The following EPS15 variants were observed in gnomAD, a reference collection of about 807,000 sequenced individuals.
EPS15 encodes epidermal growth factor receptor pathway substrate 15, also known as epidermal growth factor receptor substrate 15.
In EPS15, 72 loss-of-function variants were observed where a neutral mutation model predicts 113.8. The observed-to-expected ratio is 0.63, with a 90% CI of 0.52 to 0.77. The LOEUF is 0.77. Ranked by LOEUF, EPS15 falls within the 30% of genes least tolerant of loss-of-function variation. EPS15 has a pLI of 0.00. For missense variants in EPS15, 1,048 were observed against 1,045.8 expected (o/e 1.00, Z -0.03); for synonymous variants, 344 against 363.4 (o/e 0.95, Z 0.61).
chr1:51,454,017 T>C (rs1439704129), intron 8 of EPS15, among the ~76,000 whole-genome samples: 1 of 125,898 alleles, frequency 7.9e-6, no homozygotes, highest in Non-Finnish European at 1.6e-5. Context: ...ACTACTGCAC[T>C]CCAGTCTGGG....
At position 51,385,954 on chromosome 1, in the gene EPS15, T is replaced by C. The variant is rs536805751; in HGVS notation, c.2119+8427A>G. ...ATATGAAAAAAGTTCTTGAGATGGA[T>C]GGTGGTGATGATTGCACAACAATGT... On this transcript the variant is annotated intron_variant, in intron 21 of 24. Transcript: ENST00000371733. Among the ~76,000 whole-genome samples the C allele has an allele frequency of 3.3e-5, 5 of 152,264 alleles. No individual in the cohort carries two copies. The South Asian group carries it at 1.0e-3, about 32-fold the overall frequency.
chr1:51,393,558 C>A (rs543039133), intron 21 of EPS15, among the ~76,000 whole-genome samples: 6 of 152,306 alleles, frequency 3.9e-5, no homozygotes, highest in African/African-American at 1.4e-4. Context: ...TAATTAGTCA[C>A]AATTAATACA....
chr1:51,516,409 T>C (rs927150391), intron 1 of EPS15, among the ~76,000 whole-genome samples: 1 of 152,204 alleles, frequency 6.6e-6, no homozygotes. Flanking sequence ...TGAGTCTCTT[T>C]TAAAGTTAAG....
chr1:51,358,351 T>A (rs1646290755), intron 24 of EPS15, among the ~76,000 whole-genome samples: 1 of 152,156 alleles, frequency 6.6e-6, no homozygotes, highest in South Asian at 2.1e-4. Flanking sequence ...TTTAGACCAG[T>A]CTAAATAAAA....
chr1:51,385,445 T>C (rs762180358), intron 21 of EPS15, among the ~76,000 whole-genome samples: 3 of 152,216 alleles, frequency 2.0e-5, no homozygotes, highest in Non-Finnish European at 4.4e-5. Flanking sequence ...GGAACCACTG[T>C]GAATTGTTGG....
chr1:51,363,811 T>C, intron 23 of EPS15, 55 bp downstream of exon 23: 1 of 1,531,440 alleles, frequency 6.5e-7, no homozygotes, highest in Non-Finnish European at 8.8e-7. Context: ...GCACAATACT[T>C]TTCAGAAAGA....
chr1:51,437,257 T>C (rs544245743), intron 12 of EPS15, among the ~76,000 whole-genome samples: 2 of 152,118 alleles, frequency 1.3e-5, no homozygotes, highest in Non-Finnish European at 2.9e-5. Context: ...AGTTTATATA[T>C]AGCTTTCAAT....
At chr1:51,428,706 A>T (rs1651435468) in intron 12 of EPS15, among the ~76,000 whole-genome samples, 1 of 151,890 alleles carries the variant, frequency 6.6e-6, no homozygotes, top group African/African-American at 2.4e-5. Context: ...AGGCGCCTGT[A>T]ATCCCAGCTA....
chr1:51,373,501 T>G (rs1263720390), intron 21 of EPS15, among the ~76,000 whole-genome samples: 1 of 152,104 alleles, frequency 6.6e-6, no homozygotes, highest in Admixed American at 6.6e-5. Flanking sequence ...AAACCAGGAG[T>G]TGAATTATCC....
At chr1:51,361,400 A>G in intron 23 of EPS15, 45 bp from the exon 24 acceptor site, 1 of 1,451,054 alleles carries the variant, frequency 6.9e-7, no homozygotes, top group Non-Finnish European at 9.6e-7. Context: ...AAATACAGCA[A>G]ATACAAGCAC....
At chr1:51,507,181 C>T (rs981772444) in intron 1 of EPS15, among the ~76,000 whole-genome samples, 1 of 152,080 alleles carries the variant, frequency 6.6e-6, no homozygotes, top group African/African-American at 2.4e-5. Flanking sequence ...ATAAGTACCA[C>T]ATATAACTCT....
At chr1:51,387,122 T>C (rs986872926) in intron 21 of EPS15, among the ~76,000 whole-genome samples, 8 of 152,276 alleles carry the variant, frequency 5.3e-5, no homozygotes, top group Admixed American at 2.0e-4. Context: ...GCGGATCTCT[T>C]GGCAGAAACT....
intron 8 of EPS15, among the ~76,000 whole-genome samples, chr1:51,453,141 C>T (rs907790820): frequency 1.3e-4 from 20 of 152,140 alleles, no homozygotes; most frequent in African/African-American, 4.8e-4. Context: ...AATATATGTA[C>T]TGTGAAATTG....
intron 13 of EPS15, among the ~76,000 whole-genome samples, chr1:51,421,524 T>C (rs955261366): frequency 4.6e-5 from 7 of 152,166 alleles, no homozygotes; most frequent in Non-Finnish European, 8.8e-5. Context: ...TGATATAATA[T>C]GCAGGTAAGT....
At position 51,479,103 on chromosome 1, in the gene EPS15, G is replaced by A. The variant is rs571660366; in HGVS notation, c.75+2170C>T. On this transcript the variant is annotated intron_variant, in intron 2 of 24. Transcript: ENST00000371733. ...TCACTTTCAGGTACACCAATCAGAC[G>A]TAGATTTGGTCTTTTTACATAGTCC... Among the ~76,000 whole-genome samples, 6 of 152,206 alleles carry A rather than the reference G, an allele frequency of 3.9e-5. No individual in the cohort carries two copies. The South Asian group carries it at 6.2e-4, about 16-fold the overall frequency.
At chr1:51,414,030 A>G (rs1004455868) in intron 13 of EPS15, among the ~76,000 whole-genome samples, 1 of 152,090 alleles carries the variant, frequency 6.6e-6, no homozygotes, top group Non-Finnish European at 1.5e-5. Flanking sequence ...GATTACAAAC[A>G]TGAGCCACAG....
At chr1:51,414,959 A>G (rs1365643288) in intron 13 of EPS15, among the ~76,000 whole-genome samples, 1 of 152,150 alleles carries the variant, frequency 6.6e-6, no homozygotes, top group African/African-American at 2.4e-5. Context: ...ACTTTTCTTC[A>G]TTTTACAAAT....
chr1:51,364,112 A>G, intron 22 of EPS15, 84 bp from the exon 23 acceptor site: 2 of 1,044,390 alleles, frequency 1.9e-6, no homozygotes, highest in Non-Finnish European at 2.7e-6. Flanking sequence ...TGATTTCAGT[A>G]TTATACAGTT....
At chr1:51,371,341 T>C (rs1377509052) in intron 21 of EPS15, among the ~76,000 whole-genome samples, 1 of 152,166 alleles carries the variant, frequency 6.6e-6, no homozygotes, top group South Asian at 2.1e-4. Context: ...GACAGCTTCA[T>C]GTGTTTGACT....
Sources: gnomAD v4.1 joint callset for allele counts (sites outside exome capture counted in the v4.1 genomes callset) on GRCh38, gnomAD v4.1.1 for gene constraint, MANE v1.5 for transcripts, NCBI Gene and HGNC (gene_info 2026-07-23, HGNC 2026-07-21) for gene names.